AGBL4: variants seen among roughly 807,000 people sequenced by gnomAD.
AGBL4 encodes the protein cytosolic carboxypeptidase 6.
A neutral mutation model predicts 66.4 loss-of-function variants in AGBL4; 58 were observed. The observed-to-expected ratio is 0.87, with a 90% CI of 0.71 to 1.09. The LOEUF (loss-of-function observed/expected upper bound fraction) is 1.09, where lower values mean the gene tolerates loss of function less well. Among genes scored for constraint, AGBL4 ranks in the 50% least tolerant of loss-of-function variants. The probability of loss-of-function intolerance (pLI) is 0.00; values close to 1 mark genes in which losing one functional copy is unlikely to be tolerated. For synonymous variants in AGBL4, 234 were observed against 222.9 expected, an observed-to-expected ratio of 1.05 and a Z score of -0.44; for missense variants, 579 against 631.0, an observed-to-expected ratio of 0.92 and a Z score of 0.88.
At chr1:49,107,702 AG>A (rs1645323560) in intron 4 of AGBL4, among the ~76,000 whole-genome samples, 1 of 71,644 alleles carries the variant, frequency 1.4e-5, no homozygotes, top group Non-Finnish European at 4.1e-5. Flanking sequence ...TGTGAGAGAG[AG>A]AGAGAGAGAG....
intron 1 of AGBL4, among the ~76,000 whole-genome samples, chr1:49,970,180 A>T (rs1404728136): frequency 6.6e-6 from 1 of 152,200 alleles, no homozygotes; most frequent in African/African-American, 2.4e-5. Context: ...GCTTCTTGCC[A>T]CTGGTCTTGA....
chr1:49,523,667 TG>T (rs2148803457), intron 3 of AGBL4, among the ~76,000 whole-genome samples: 1 of 152,224 alleles, frequency 6.6e-6, no homozygotes, highest in African/African-American at 2.4e-5. Flanking sequence ...TCCTTCCATT[TG>T]ACTGATGTCA....
intron 3 of AGBL4, among the ~76,000 whole-genome samples, chr1:49,469,380 G>C (rs144977503): frequency 6.6e-6 from 1 of 151,762 alleles, no homozygotes; most frequent in Non-Finnish European, 1.5e-5. Flanking sequence ...TATCTTTCAG[G>C]ATTATGATCA....
chr1:50,001,899 G>C (rs140595584), intron 1 of AGBL4, among the ~76,000 whole-genome samples: 91 of 152,088 alleles, frequency 6.0e-4, no homozygotes, highest in East Asian at 4.6e-3. Context: ...TCCATCCTAC[G>C]TGCTGCCAGT....
At chr1:49,669,543 CT>C (rs11302138) in intron 3 of AGBL4, among the ~76,000 whole-genome samples, 7,187 of 152,092 alleles carry the variant, frequency 0.047, 542 homozygotes, top group African/African-American at 0.16. Flanking sequence ...TAGGAACCAG[CT>C]TTTTTTGTTC....
intron 3 of AGBL4, among the ~76,000 whole-genome samples, chr1:49,639,127 T>C (rs187211558): frequency 4.3e-4 from 65 of 152,226 alleles, no homozygotes; most frequent in Admixed American, 1.6e-3. Flanking sequence ...CACATCCCTG[T>C]GAAGATACCT....
intron 2 of AGBL4, chr1:49,842,388 G>C: frequency 1.6e-6 from 1 of 642,676 alleles, no homozygotes; most frequent in Non-Finnish European, 2.3e-6. Context: ...ATGTACCCAG[G>C]TGAGATGGGA....
chr1:49,214,973 T>C (rs1648970728), intron 4 of AGBL4, among the ~76,000 whole-genome samples: 1 of 152,134 alleles, frequency 6.6e-6, no homozygotes, highest in African/African-American at 2.4e-5. Flanking sequence ...CATCATTCAC[T>C]GCCATTTTAA....
intron 3 of AGBL4, among the ~76,000 whole-genome samples, chr1:49,353,432 C>T (rs1000229025): frequency 2.6e-5 from 4 of 152,098 alleles, no homozygotes; most frequent in African/African-American, 4.8e-5. Flanking sequence ...TGGATAATTA[C>T]AATTATTGTG....
intron 6 of AGBL4, among the ~76,000 whole-genome samples, chr1:48,784,286 A>G (rs528449452): frequency 6.6e-6 from 1 of 152,322 alleles, no homozygotes; most frequent in Admixed American, 6.5e-5. Flanking sequence ...ATAAGAACAC[A>G]TATCCCCATT....
chr1:49,356,399 C>CTGAA, intron 3 of AGBL4, among the ~76,000 whole-genome samples: 1 of 152,234 alleles, frequency 6.6e-6, no homozygotes, highest in South Asian at 2.1e-4. Flanking sequence ...ACTAGATGCC[C>CTGAA]TGAAAACAAG....
At chr1:49,939,060 C>A (rs560346811) in intron 1 of AGBL4, among the ~76,000 whole-genome samples, 4,002 of 151,492 alleles carry the variant, frequency 0.026, 145 homozygotes, top group African/African-American at 0.091. Flanking sequence ...CACCAATAAC[C>A]GACAAACAGA....
At chr1:48,933,540 T>G (rs546658832) in intron 5 of AGBL4, among the ~76,000 whole-genome samples, 2 of 152,328 alleles carry the variant, frequency 1.3e-5, no homozygotes, top group African/African-American at 4.8e-5. Flanking sequence ...CCTGCAAAAG[T>G]ATCATCCATG....
At chr1:48,721,889 A>G (rs1647156673) in intron 6 of AGBL4, among the ~76,000 whole-genome samples, 1 of 152,218 alleles carries the variant, frequency 6.6e-6, no homozygotes, top group Admixed American at 6.5e-5. Context: ...TATTCATTCA[A>G]TAACTTTTTA....
chr1:49,267,674 T>C (rs1365831595), intron 3 of AGBL4, among the ~76,000 whole-genome samples: 2 of 151,488 alleles, frequency 1.3e-5, no homozygotes, highest in African/African-American at 4.9e-5. Context: ...AGCGAGACTC[T>C]GTCCCAAAAA....
chr1:49,184,775 G>A (rs1461672665), intron 4 of AGBL4, among the ~76,000 whole-genome samples: 1 of 152,176 alleles, frequency 6.6e-6, no homozygotes, highest in Non-Finnish European at 1.5e-5. Context: ...TCAGGCACAA[G>A]AGGCTCTGCC....
intron 1 of AGBL4, among the ~76,000 whole-genome samples, chr1:49,852,130 C>T (rs1461341859): frequency 6.6e-6 from 1 of 151,974 alleles, no homozygotes; most frequent in African/African-American, 2.4e-5. Context: ...TCCCTTCTAC[C>T]CTAACAACAA....
chr1:49,481,579 A>T (rs1646956378), intron 3 of AGBL4, among the ~76,000 whole-genome samples: 3 of 152,052 alleles, frequency 2.0e-5, no homozygotes, highest in African/African-American at 2.4e-5. Flanking sequence ...AAACAAAAAT[A>T]GTTTGACTTC....
chr1:48,676,701 C>T (rs1358865388), intron 6 of AGBL4, among the ~76,000 whole-genome samples: 1 of 152,118 alleles, frequency 6.6e-6, no homozygotes, highest in Non-Finnish European at 1.5e-5. Context: ...GTGGACAGTT[C>T]CTTCACGCTT....
Sources: allele counts gnomAD v4.1 joint callset (sites outside exome capture counted in the v4.1 genomes callset), GRCh38; gene constraint gnomAD v4.1.1; transcripts MANE v1.5; gene names NCBI Gene and HGNC (gene_info 2026-07-23, HGNC 2026-07-21).